NEBL: variants seen among roughly 807,000 people sequenced by gnomAD.
The protein encoded by NEBL is LIM and SH3 protein 2.
Under a neutral mutation model 140.2 loss-of-function variants are expected in NEBL, and 122 were observed. The ratio of observed to expected loss-of-function variants is 0.87; its 90% CI spans 0.75 to 1.01. The LOEUF (loss-of-function observed/expected upper bound fraction) is 1.01, where lower values mean the gene tolerates loss of function less well. Among genes scored for constraint, NEBL ranks in the 50% least tolerant of loss-of-function variants. The pLI, the probability that NEBL is intolerant of heterozygous loss-of-function variation, is 0.00. For synonymous variants in NEBL, 436 were observed against 398.9 expected, an observed-to-expected ratio of 1.09 and a Z score of -1.11; for missense variants, 1,365 against 1,231.3, an observed-to-expected ratio of 1.11 and a Z score of -1.62.
At position 20,890,231 on chromosome 10, in the gene NEBL, A is replaced by T. The variant is rs703102; in HGVS notation, c.154-282T>A. On this transcript the variant is annotated intron_variant, in intron 2 of 27. Transcript: ENST00000377122. ...GGTGATGGGTCCTGTTTACCCAGCC[A>T]GCCCAGTGCAATTAGCAAGCATGTG... is the stretch of plus-strand genomic sequence containing the variant. 0.88 allele frequency among the ~76,000 whole-genome samples: 134,556 copies of T among 152,148 alleles called. 59,714 individuals carry two copies. The highest frequency in any genetic ancestry group is 0.92 in the South Asian group (4,448 of 4,816).
intron 4 of NEBL, among the ~76,000 whole-genome samples, chr10:20,951,738 C>T (rs960562906): frequency 1.3e-5 from 2 of 152,164 alleles, no homozygotes; most frequent in Non-Finnish European, 2.9e-5. Context: ...ACATCTGGGA[C>T]TCCAAAAATA....
chr10:20,938,277 T>G (rs1364010586), intron 4 of NEBL, among the ~76,000 whole-genome samples: 5 of 152,194 alleles, frequency 3.3e-5, no homozygotes, highest in African/African-American at 1.2e-4. Context: ...CATTTGCTGC[T>G]CACCAATGTC....
chr10:20,818,918 T>C (rs899120428), intron 20 of NEBL: 61 of 975,506 alleles, frequency 6.3e-5, no homozygotes, highest in Non-Finnish European at 7.2e-5. Flanking sequence ...GATAGTTTTA[T>C]TAAATCTGGA....
At chr10:20,963,673 G>A (rs1214807659) in intron 3 of NEBL, among the ~76,000 whole-genome samples, 1 of 152,142 alleles carries the variant, frequency 6.6e-6, no homozygotes, top group African/African-American at 2.4e-5. Context: ...GGGATTGCAG[G>A]TATCAGCCAC....
chr10:20,841,197 A>T (rs527948895), intron 12 of NEBL, among the ~76,000 whole-genome samples: 1 of 152,248 alleles, frequency 6.6e-6, no homozygotes, highest in African/African-American at 2.4e-5. Flanking sequence ...AAGTTCTATA[A>T]AACATGCATT....
intron 2 of NEBL, among the ~76,000 whole-genome samples, chr10:21,032,745 A>C (rs1451084563): frequency 6.6e-6 from 1 of 152,198 alleles, no homozygotes; most frequent in African/African-American, 2.4e-5. Flanking sequence ...ACAGAATCCA[A>C]ACCCCTGGCT....
At chr10:20,915,408 C>T (rs866913361) in intron 4 of NEBL, among the ~76,000 whole-genome samples, 2 of 145,548 alleles carry the variant, frequency 1.4e-5, no homozygotes, top group South Asian at 4.7e-4. Flanking sequence ...CTCCCCCCTC[C>T]CCCTACCCCA....
At chr10:20,939,346 T>G (rs1429816736) in intron 4 of NEBL, among the ~76,000 whole-genome samples, 1 of 151,976 alleles carries the variant, frequency 6.6e-6, no homozygotes, top group Non-Finnish European at 1.5e-5. Context: ...GCTTCTTAAG[T>G]GAAGGAGAAA....
intron 3 of NEBL, among the ~76,000 whole-genome samples, chr10:21,194,668 T>C (rs532079137): frequency 1.6e-4 from 25 of 152,272 alleles, no homozygotes; most frequent in African/African-American, 5.5e-4. Flanking sequence ...GGAAGTCCTA[T>C]ACCCGTACTT....
At chr10:21,185,521 A>G (rs1289659858) in intron 3 of NEBL, among the ~76,000 whole-genome samples, 6 of 111,424 alleles carry the variant, frequency 5.4e-5, no homozygotes, top group Non-Finnish European at 1.0e-4. Context: ...TTTTTGACAT[A>G]GAGTCTAGCT....
At chr10:21,281,356 C>T (rs1217751604) in intron 1 of NEBL, among the ~76,000 whole-genome samples, 1 of 151,918 alleles carries the variant, frequency 6.6e-6, no homozygotes, top group East Asian at 1.9e-4. Flanking sequence ...GAGAAGGGAT[C>T]TTGCTATATT....
At chr10:20,937,660 C>T (rs1247149098) in intron 4 of NEBL, among the ~76,000 whole-genome samples, 2 of 152,136 alleles carry the variant, frequency 1.3e-5, no homozygotes, top group African/African-American at 4.8e-5. Context: ...ACCCAGGATG[C>T]ACAAGGGGTC....
At chr10:20,809,152 C>T (rs1415641688) in intron 25 of NEBL, among the ~76,000 whole-genome samples, 2 of 152,214 alleles carry the variant, frequency 1.3e-5, no homozygotes, top group East Asian at 3.9e-4. Context: ...GAGTAGAAAT[C>T]AGGGGTTAGA....
At chr10:20,837,688 TGAG>T (rs1190243252) in intron 13 of NEBL, among the ~76,000 whole-genome samples, 1 of 152,170 alleles carries the variant, frequency 6.6e-6, no homozygotes, top group Non-Finnish European at 1.5e-5. Context: ...CCATAGCTAG[TGAG>T]GAGAAGTCAA....
At chr10:21,101,746 A>C (rs1390676379) in intron 2 of NEBL, among the ~76,000 whole-genome samples, 2 of 152,230 alleles carry the variant, frequency 1.3e-5, no homozygotes, top group Non-Finnish European at 2.9e-5. Context: ...CAAGCACGCC[A>C]CTAAAACAAC....
intron 3 of NEBL, among the ~76,000 whole-genome samples, chr10:21,238,676 C>T (rs923572589): frequency 6.1e-5 from 9 of 147,958 alleles, no homozygotes; most frequent in South Asian, 4.2e-4. Flanking sequence ...CATTACACTC[C>T]GGCCTGGGCA....
At chr10:21,159,481 C>A (rs1040094271) in intron 2 of NEBL, among the ~76,000 whole-genome samples, 1 of 152,226 alleles carries the variant, frequency 6.6e-6, no homozygotes, top group African/African-American at 2.4e-5. Context: ...AAAGTCCTCA[C>A]AACTGCTACC....
intron 3 of NEBL, among the ~76,000 whole-genome samples, chr10:21,222,907 C>T (rs1290375509): frequency 1.3e-5 from 2 of 152,162 alleles, no homozygotes; most frequent in Non-Finnish European, 2.9e-5. Context: ...GGACTACAGG[C>T]ATGCACCACC....
rs1177044926 is a variant in NEBL, at chr10:21,173,236, C to A, written c.69+529G>T. ...ACACCCGTGGGTCCGGCTTGCCGCGCTGAGCCGGAGCTCTCCAGCAGGGAT... is the reference window on the plus strand; with the variant it reads ...ACACCCGTGGGTCCGGCTTGCCGCGATGAGCCGGAGCTCTCCAGCAGGGAT... On this transcript the variant is annotated intron_variant, in intron 1 of 6. Coordinates refer to the NEBL transcript ENST00000417816. This position sits in a 1 kb window ranked among gnomAD's most constrained non-coding sequence, Gnocchi z 5.7. Among the ~76,000 whole-genome samples, 2 of 152,252 alleles carry A rather than the reference C, an allele frequency of 1.3e-5. No individual in the cohort carries two copies. The highest frequency in any genetic ancestry group is 4.8e-5 in the African/African-American group (2 of 41,470).
Sources: gnomAD v4.1 joint callset for allele counts (sites outside exome capture counted in the v4.1 genomes callset) on GRCh38, gnomAD v4.1.1 for gene constraint, Gnocchi (gnomAD v3.1) non-coding constraint, MANE v1.5 for transcripts, NCBI Gene and HGNC (gene_info 2026-07-23, HGNC 2026-07-21) for gene names.